ATXN7L1: variants seen among roughly 807,000 people sequenced by gnomAD.
ATXN7L1 encodes ataxin-7-like protein 1.
Under a neutral mutation model 70.8 loss-of-function variants are expected in ATXN7L1, and 15 were observed. The observed-to-expected ratio is 0.21, with a 90% CI of 0.14 to 0.33. The LOEUF is 0.33. ATXN7L1 is among the 10% of genes least tolerant of loss of function. The probability of loss-of-function intolerance (pLI) is 1.00; values close to 1 mark genes in which losing one functional copy is unlikely to be tolerated. For synonymous variants in ATXN7L1, 440 were observed against 445.1 expected, an observed-to-expected ratio of 0.99 and a Z score of 0.14; for missense variants, 975 against 1,097.1, an observed-to-expected ratio of 0.89 and a Z score of 1.57.
At chr7:105,719,226 C>T (rs761910361) in intron 3 of ATXN7L1, among the ~76,000 whole-genome samples, 13 of 152,152 alleles carry the variant, frequency 8.5e-5, no homozygotes, top group Non-Finnish European at 1.8e-4. Context: ...CATCCCCCTT[C>T]TTCTCTTCTT....
intron 2 of ATXN7L1, among the ~76,000 whole-genome samples, chr7:105,809,887 C>T (rs1585055462): frequency 6.6e-6 from 1 of 152,122 alleles, no homozygotes; most frequent in Non-Finnish European, 1.5e-5. Flanking sequence ...CCTCCCAACT[C>T]AGCCTCCCAA....
chr7:105,792,207 C>T (rs1347494239), intron 2 of ATXN7L1, among the ~76,000 whole-genome samples: 5 of 152,218 alleles, frequency 3.3e-5, no homozygotes, highest in East Asian at 3.9e-4. Context: ...AGGCCTTTCC[C>T]GTTGAGACTT....
At chr7:105,859,892 C>T (rs1485137492) in intron 2 of ATXN7L1, among the ~76,000 whole-genome samples, 2 of 150,096 alleles carry the variant, frequency 1.3e-5, no homozygotes, top group Admixed American at 6.6e-5. Flanking sequence ...AAGCATTTCT[C>T]CCACCTCGGC....
At chr7:105,835,837 A>G (rs1812294159) in intron 2 of ATXN7L1, among the ~76,000 whole-genome samples, 1 of 152,108 alleles carries the variant, frequency 6.6e-6, no homozygotes, top group Admixed American at 6.5e-5. Flanking sequence ...AGAGGCAGAA[A>G]TTTTTCTAAA....
intron 3 of ATXN7L1, among the ~76,000 whole-genome samples, chr7:105,702,573 TACAC>T (rs1312248897): frequency 6.6e-6 from 1 of 150,412 alleles, no homozygotes; most frequent in Non-Finnish European, 1.5e-5. Context: ...CAGACACACA[TACAC>T]ACACACACAG....
intron 2 of ATXN7L1, chr7:105,819,603 T>G: frequency 1.1e-6 from 1 of 903,618 alleles, no homozygotes; most frequent in South Asian, 1.3e-5. Flanking sequence ...GGTCGTACGC[T>G]GTGAGGGCAT....
chr7:105,685,591 TTG>T (rs1321338156), intron 3 of ATXN7L1, among the ~76,000 whole-genome samples: 1 of 152,178 alleles, frequency 6.6e-6, no homozygotes, highest in Non-Finnish European at 1.5e-5. Flanking sequence ...CCTACCATAT[TTG>T]CAGAGGGGCC....
chr7:105,784,491 C>G (rs1453063645), intron 3 of ATXN7L1, among the ~76,000 whole-genome samples: 2 of 151,676 alleles, frequency 1.3e-5, no homozygotes, highest in South Asian at 2.1e-4. Flanking sequence ...GACTAGTATA[C>G]CAAGATCTTG....
intron 2 of ATXN7L1, among the ~76,000 whole-genome samples, chr7:105,814,580 TGTTTTTA>T (rs969824864): frequency 6.0e-5 from 9 of 150,318 alleles, no homozygotes; most frequent in African/African-American, 1.0e-4. Flanking sequence ...AGTTGCTTTT[TGTTTTTA>T]GTTTTTTTCT....
intron 3 of ATXN7L1, among the ~76,000 whole-genome samples, chr7:105,702,968 T>C (rs143674760): frequency 1.1e-4 from 17 of 152,204 alleles, no homozygotes; most frequent in African/African-American, 3.4e-4. Context: ...TACAAAAAAT[T>C]AGCAAGGCGT....
At chr7:105,780,910 G>A (rs899821096) in intron 3 of ATXN7L1, among the ~76,000 whole-genome samples, 1 of 152,030 alleles carries the variant, frequency 6.6e-6, no homozygotes. Context: ...ATTTTACTTT[G>A]ATAAAAAATT....
chr7:105,754,647 A>T (rs771755569), intron 3 of ATXN7L1, among the ~76,000 whole-genome samples: 1 of 152,024 alleles, frequency 6.6e-6, no homozygotes, highest in Non-Finnish European at 1.5e-5. Flanking sequence ...TTTTGTAGAG[A>T]CAGGATCTCA....
At chr7:105,743,074 C>T (rs1798194165) in intron 3 of ATXN7L1, among the ~76,000 whole-genome samples, 2 of 152,176 alleles carry the variant, frequency 1.3e-5, no homozygotes, top group Admixed American at 1.3e-4. Flanking sequence ...CTTTTCCTCT[C>T]CTGGTCAGAG....
At chr7:105,684,602 G>A (rs1430277235) in intron 3 of ATXN7L1, among the ~76,000 whole-genome samples, 1 of 152,224 alleles carries the variant, frequency 6.6e-6, no homozygotes, top group Non-Finnish European at 1.5e-5. Flanking sequence ...ATGTCATCTT[G>A]TTGGATTTAG....
intron 3 of ATXN7L1, among the ~76,000 whole-genome samples, chr7:105,749,045 C>G (rs545311345): frequency 1.3e-5 from 2 of 152,134 alleles, no homozygotes; most frequent in African/African-American, 4.8e-5. Context: ...CACAGGAATT[C>G]GCCCCTCACT....
At chr7:105,656,862 C>T (rs188338540) in intron 4 of ATXN7L1, among the ~76,000 whole-genome samples, 15 of 152,216 alleles carry the variant, frequency 9.9e-5, no homozygotes, top group African/African-American at 2.9e-4. Flanking sequence ...GCCACCACGC[C>T]GGCCTCCCCC....
At chr7:105,703,028 A>G (rs1425880199) in intron 3 of ATXN7L1, among the ~76,000 whole-genome samples, 1 of 152,246 alleles carries the variant, frequency 6.6e-6, no homozygotes, top group Non-Finnish European at 1.5e-5. Context: ...AGGCAGGAGA[A>G]TGGCGTGAAC....
intron 2 of ATXN7L1, among the ~76,000 whole-genome samples, chr7:105,874,189 C>T (rs1206413039): frequency 6.6e-6 from 1 of 150,980 alleles, no homozygotes; most frequent in East Asian, 1.9e-4. Flanking sequence ...CAACAGTCTT[C>T]TGAAATAGAA....
At chr7:105,862,175 C>T (rs1563152323) in intron 2 of ATXN7L1, among the ~76,000 whole-genome samples, 1 of 152,192 alleles carries the variant, frequency 6.6e-6, no homozygotes, top group Admixed American at 6.5e-5. Context: ...TGGCTGACTC[C>T]TGTAATCCCA....
Sources: gnomAD v4.1 joint callset for allele counts (sites outside exome capture counted in the v4.1 genomes callset) on GRCh38, gnomAD v4.1.1 for gene constraint, MANE v1.5 for transcripts, NCBI Gene and HGNC (gene_info 2026-07-23, HGNC 2026-07-21) for gene names.